Variants in ARHGEF1 observed in about 807,000 individuals in gnomAD.
ARHGEF1 encodes Rho guanine nucleotide exchange factor 1.
In ARHGEF1, 40 loss-of-function variants were observed where a neutral mutation model predicts 119.7. The ratio of observed to expected loss-of-function variants is 0.33; its 90% confidence interval spans 0.26 to 0.44. The LOEUF (loss-of-function observed/expected upper bound fraction) is 0.44. ARHGEF1 is among the 20% of genes least tolerant of loss of function. ARHGEF1 has a pLI of 1.00. For missense variants in ARHGEF1, 976 were observed against 1,268.3 expected (o/e 0.77, Z 3.50); for synonymous variants, 494 against 521.0 (o/e 0.95, Z 0.71).
intron 18 of ARHGEF1, among the ~76,000 whole-genome samples, chr19:41,912,497 C>G (rs1274211080): frequency 1.3e-5 from 2 of 152,232 alleles, no homozygotes; most frequent in Admixed American, 6.5e-5. Flanking sequence ...CCTAGTGCCC[C>G]CTCCAGCCCA....
At chr19:41,908,427 C>T (rs138952382), downstream of ARHGEF1, 16,553 of 1,231,180 alleles carry the variant, frequency 0.013, 154 homozygotes, top group Non-Finnish European at 0.015. The surrounding 1 kb of genome is among the most constrained non-coding windows in gnomAD (Gnocchi z 6.7). Context: ...GCCCGAGGGG[C>T]GCTCGGGGCC....
At chr19:41,910,134 A>T (rs981183049), downstream of ARHGEF1, 9 of 1,585,326 alleles carry the variant, frequency 5.7e-6, no homozygotes, top group East Asian at 6.8e-5. The surrounding 1 kb of genome is among the most constrained non-coding windows in gnomAD (Gnocchi z 4.4). Context: ...TGGGGTCAGG[A>T]TGCCAAGTCC....
chr19:41,898,494 C>G lies in ARHGEF1; in HGVS notation c.1174C>G (p.Pro392Ala), dbSNP rs926482292. Residue 392 changes from proline to alanine, a missense_variant, in exon 14 of 29, where the codon CCA (proline) becomes GCA (alanine). By Grantham distance (27) the Pro-to-Ala change is conservative. Transcript: ENST00000354532. ...GGGGCGGTCGGGACTGGAGCTTGAA[C>G]CAGAAGAGCCTCCCGGCTGGCGGGA... ...EPGRSGLELE[P>A]EEPPGWRELV... is the part of the protein sequence containing the mutation. The G allele has an allele frequency of 1.7e-5, 26 of 1,553,128 alleles. No homozygotes were observed. Among genetic ancestry groups the G allele is most frequent in the East Asian group, 2.4e-5 (1 of 41,168 alleles).
intron 14 of ARHGEF1, among the ~76,000 whole-genome samples, chr19:41,899,269 G>A (rs1049305132): frequency 1.3e-5 from 2 of 152,054 alleles, no homozygotes; most frequent in Non-Finnish European, 2.9e-5. Flanking sequence ...GATTACAAGT[G>A]TGAGCCACCA....
At position 41,888,648 on chromosome 19, in the gene ARHGEF1, C is replaced by G; in HGVS notation, c.112-104C>G. On this transcript the variant is annotated intron_variant, in intron 3 of 28. Transcript: ENST00000354532. This position sits in a 1 kb window ranked among gnomAD's most constrained non-coding sequence, Gnocchi z 5.1. Reference sequence around the variant, plus strand: ...GTCACCACTCCCCACTTCCCAGGAGCTAACCCTGGCTTGGATCCCTTGTGA... The same window carrying G: ...GTCACCACTCCCCACTTCCCAGGAGGTAACCCTGGCTTGGATCCCTTGTGA... The G allele has an allele frequency of 9.2e-7, 1 of 1,087,240 alleles. No homozygotes were observed. Among genetic ancestry groups the G allele is most frequent in the Admixed American group, 2.1e-5 (1 of 47,532 alleles). The allele number at this position is 1,087,240 out of a possible 1,614,324, so 67.3% of individuals were successfully genotyped here. A position where few individuals can be genotyped will look rare whatever the true frequency, so the allele number is the denominator to read the frequency against.
upstream of ARHGEF1, among the ~76,000 whole-genome samples, chr19:41,920,167 T>A (rs1186203089): frequency 6.9e-5 from 7 of 101,972 alleles, no homozygotes; most frequent in African/African-American, 1.9e-4. Flanking sequence ...CATGATGCAC[T>A]CAGACATGAC....
chr19:41,926,719 G>A (rs2145913927), intron 1 of ARHGEF1, among the ~76,000 whole-genome samples: 1 of 152,278 alleles, frequency 6.6e-6, no homozygotes, highest in Admixed American at 6.5e-5. Context: ...GCCGGGAGGG[G>A]GGAGCGGGCG....
upstream of ARHGEF1, among the ~76,000 whole-genome samples, chr19:41,918,105 G>A (rs1247096986): frequency 6.6e-6 from 1 of 151,868 alleles, no homozygotes; most frequent in Non-Finnish European, 1.5e-5. Context: ...CATCCCGGAC[G>A]CCACCCCCAT....
In ARHGEF1 at chr19:41,916,021, C is replaced by T. The variant is rs185277921; in HGVS notation, c.1866-7071C>T. ...ATTTTATTTTGCTTCCTCCACCCCC[C>T]CTTCGCCCCCCATCTCTACCGCCCG... On this transcript the variant is annotated intron_variant, in intron 18 of 20. Coordinates refer to the ARHGEF1 transcript ENST00000599589. The surrounding 1 kb of genome is among the most constrained non-coding windows in gnomAD (Gnocchi z 5.4). Among the ~76,000 whole-genome samples, 3 of 152,156 alleles carry T rather than the reference C, an allele frequency of 2.0e-5. No individual in the cohort carries two copies. Among genetic ancestry groups the T allele is most frequent in the African/African-American group, 7.2e-5 (3 of 41,476 alleles).
Position 41,892,690 on chromosome 19 carries a change from G to T in ARHGEF1, c.455G>T (p.Arg152Leu), listed in dbSNP as rs200573860. 85 of 1,613,686 alleles carry T rather than the reference G, an allele frequency of 5.3e-5. No homozygotes were observed. In the Admixed American group the frequency reaches 9.5e-4, roughly 18 times the overall value. Residue 152 changes from arginine to leucine, a missense_variant, in exon 7 of 29, where the codon CGG (arginine) becomes CTG (leucine). Physicochemically the swap from Arg to Leu is moderately radical, Grantham distance 102. Around this residue, in one of 3 missense-constraint regions of ARHGEF1, gnomAD observed 519 missense variants for 580.9 expected, o/e 0.89. Transcript: ENST00000354532. This position sits in a 1 kb window ranked among gnomAD's most constrained non-coding sequence, Gnocchi z 6.3. ...CAAAGCCAGCAGGTAGCCGTGGGCC[G>T]GCAGCTGGAGGACTTCCGTTCCAAG... ...VVQSQQVAVG[R>L]QLEDFRSKRL... is the part of the protein sequence containing the mutation.
chr19:41,911,210 C>T (rs2074749571), downstream of ARHGEF1, among the ~76,000 whole-genome samples: 1 of 152,170 alleles, frequency 6.6e-6, no homozygotes, highest in Non-Finnish European at 1.5e-5. Context: ...CCACATACCC[C>T]CAGGAGCTGG....
Position 41,902,161 on chromosome 19 carries a change from C to T in ARHGEF1, c.1415-113C>T. On this transcript the variant is annotated intron_variant, in intron 15 of 28. Coordinates refer to ENST00000354532, the MANE Select transcript of ARHGEF1 (RefSeq NM_004706.4). The surrounding 1 kb of genome is among the most constrained non-coding windows in gnomAD (Gnocchi z 6.5). ...GGTGGGGGCAGATACGCCATCCGGT[C>T]CCGAGGATCAGACACAGACACACCT... The T allele has an allele frequency of 6.4e-7, 1 of 1,557,084 alleles. No homozygotes were observed. The highest frequency in any genetic ancestry group is 8.8e-7 in the Non-Finnish European group (1 of 1,139,610).
chr19:41,917,477 C>A lies in ARHGEF1; in HGVS notation c.1866-5615C>A, dbSNP rs1342462330. Among the ~76,000 whole-genome samples the A allele has an allele frequency of 6.6e-6, 1 of 151,792 alleles. No individual in the cohort carries two copies. The highest frequency in any genetic ancestry group is 1.5e-5 in the Non-Finnish European group (1 of 67,902). ...CAGCCCCTTCATCCCTCACCCAGGCCCCCCCATCCCCACCTCCCCTTAACA... is the reference window on the plus strand; with the variant it reads ...CAGCCCCTTCATCCCTCACCCAGGCACCCCCATCCCCACCTCCCCTTAACA... On this transcript the variant is annotated intron_variant, in intron 18 of 20. Coordinates refer to the ARHGEF1 transcript ENST00000599589. The surrounding 1 kb of genome is among the most constrained non-coding windows in gnomAD (Gnocchi z 4.8).
Position 41,903,865 on chromosome 19 carries a change from T to C in ARHGEF1, c.1917+81T>C. The C allele has an allele frequency of 6.8e-7, 1 of 1,479,392 alleles. No homozygotes were observed. Among genetic ancestry groups the C allele is most frequent in the Non-Finnish European group, 9.4e-7 (1 of 1,063,640 alleles). 91.6% of individuals were successfully genotyped at this position (1,479,392 alleles called of 1,614,324 possible). On this transcript the variant is annotated intron_variant, in intron 20 of 28. Coordinates refer to ENST00000354532, the MANE Select transcript of ARHGEF1 (RefSeq NM_004706.4). The surrounding 1 kb of genome is among the most constrained non-coding windows in gnomAD (Gnocchi z 4.2). ...CTGTGATACAGCCCCCAGCCTGTCC[T>C]GCCCATCCCATAATACACCCAGGAA...
chr19:41,919,449 C>T (rs2074824418), upstream of ARHGEF1, among the ~76,000 whole-genome samples: 1 of 152,042 alleles, frequency 6.6e-6, no homozygotes, highest in South Asian at 2.1e-4. Flanking sequence ...TTGTTATGAA[C>T]CAACACTCAA....
chr19:41,897,241 C>T (rs782332112), intron 13 of ARHGEF1: 2 of 1,273,810 alleles, frequency 1.6e-6, no homozygotes, highest in South Asian at 1.2e-5. Flanking sequence ...CTTTGGGGAC[C>T]CTTTGGTGGG....
At chr19:41,887,230 G>T (rs2074307229) in intron 1 of ARHGEF1, among the ~76,000 whole-genome samples, 1 of 152,126 alleles carries the variant, frequency 6.6e-6, no homozygotes, top group African/African-American at 2.4e-5. Context: ...TGGGGAAAAT[G>T]AGACAGTTCT....
Position 41,888,967 on chromosome 19 carries a change from G to A in ARHGEF1, c.225+102G>A. The A allele has an allele frequency of 1.0e-6, 1 of 977,094 alleles. No individual in the cohort carries two copies. Among genetic ancestry groups the A allele is most frequent in the Non-Finnish European group, 1.5e-6 (1 of 660,574 alleles). The allele number at this position is 977,094 out of a possible 1,614,324, so 60.5% of individuals were successfully genotyped here. A position where few individuals can be genotyped will look rare whatever the true frequency, so the allele number is the denominator to read the frequency against. The stretch of plus-strand genomic sequence containing the variant: ...GCTAGTGCCTGGAGGGTCTGGAAAA[G>A]CAGATCTAGAACACAGAGAGCCAGA... On this transcript the variant is annotated intron_variant, in intron 4 of 28. Coordinates refer to ENST00000354532, the MANE Select transcript of ARHGEF1 (RefSeq NM_004706.4). The surrounding 1 kb of genome is among the most constrained non-coding windows in gnomAD (Gnocchi z 5.1).
chr19:41,925,836 T>G (rs1317389725), intron 1 of ARHGEF1, among the ~76,000 whole-genome samples: 2 of 151,516 alleles, frequency 1.3e-5, no homozygotes, highest in Admixed American at 6.6e-5. Context: ...GGGCAGGTGT[T>G]GGGGTGGTTA....
Sources: allele counts gnomAD v4.1 joint callset (sites outside exome capture counted in the v4.1 genomes callset), GRCh38; gene constraint gnomAD v4.1.1; regional missense constraint gnomAD v4.1.1; non-coding constraint Gnocchi (gnomAD v3.1); transcripts MANE v1.5; gene names NCBI Gene and HGNC (gene_info 2026-07-23, HGNC 2026-07-21).